GRIN2A: variants seen among roughly 807,000 people sequenced by gnomAD.
GRIN2A encodes glutamate receptor ionotropic, NMDA 2A.
Under a neutral mutation model 113.4 loss-of-function variants are expected in GRIN2A, and 22 were observed. The observed-to-expected ratio is 0.19, with a 90% confidence interval of 0.14 to 0.28. GRIN2A has a LOEUF of 0.28. GRIN2A is among the 10% of genes least tolerant of loss of function. GRIN2A has a pLI of 1.00. For synonymous variants in GRIN2A, 827 were observed against 738.4 expected, an observed-to-expected ratio of 1.12 and a Z score of -1.94; for missense variants, 1,502 against 1,887.0, an observed-to-expected ratio of 0.80 and a Z score of 3.78.
At chr16:10,103,157 C>CT (rs148968863) in intron 2 of GRIN2A, among the ~76,000 whole-genome samples, 1 of 151,706 alleles carries the variant, frequency 6.6e-6, no homozygotes, top group East Asian at 1.9e-4. Flanking sequence ...GCAACAGCAA[C>CT]TTTTTTTTTA....
chr16:10,078,414 AC>A (rs1202485557), intron 2 of GRIN2A, among the ~76,000 whole-genome samples: 2 of 151,956 alleles, frequency 1.3e-5, no homozygotes, highest in Non-Finnish European at 2.9e-5. Context: ...ATGTTCTAGA[AC>A]ACAGAAAGTC....
chr16:9,956,486 G>C (rs1217926327), intron 2 of GRIN2A, among the ~76,000 whole-genome samples: 2 of 152,132 alleles, frequency 1.3e-5, no homozygotes, highest in South Asian at 4.1e-4. Context: ...TGCACAGTGA[G>C]CCAGATGTCA....
At chr16:9,791,905 T>C (rs536024008) in intron 11 of GRIN2A, among the ~76,000 whole-genome samples, 2 of 152,214 alleles carry the variant, frequency 1.3e-5, no homozygotes, top group South Asian at 4.1e-4. Flanking sequence ...TGAGCATCAT[T>C]ATGCTGAATG....
At chr16:9,774,318 C>T (rs993452239) in intron 11 of GRIN2A, among the ~76,000 whole-genome samples, 5 of 152,194 alleles carry the variant, frequency 3.3e-5, no homozygotes, top group African/African-American at 9.7e-5. Context: ...AGGAAGCACC[C>T]TTCCCTTAAG....
At chr16:9,881,180 T>G (rs1274205288) in intron 4 of GRIN2A, among the ~76,000 whole-genome samples, 1 of 152,226 alleles carries the variant, frequency 6.6e-6, no homozygotes, top group Non-Finnish European at 1.5e-5. Flanking sequence ...CTGAACTACA[T>G]CTATAAACAG....
At chr16:10,124,417 A>G (rs2048889176) in intron 2 of GRIN2A, among the ~76,000 whole-genome samples, 2 of 152,136 alleles carry the variant, frequency 1.3e-5, no homozygotes, top group African/African-American at 4.8e-5. Context: ...TCAAAATCCT[A>G]TCCTCCCAAG....
rs114173234 is a variant in GRIN2A, at chr16:10,077,275, T to C, written c.414+102723A>G. On this transcript the variant is annotated intron_variant, in intron 2 of 12. Transcript: ENST00000330684. The stretch of plus-strand genomic sequence containing the variant: ...TGTGCTTTAAGCCACTGTGTGTAAT[T>C]TGTTATAGCAGCAAAGGGAAAAAAT... Among the ~76,000 whole-genome samples the C allele has an allele frequency of 1.0e-2, 1,521 of 152,332 alleles. 34 individuals carry two copies. Among genetic ancestry groups the C allele is most frequent in the African/African-American group, 0.035 (1,445 of 41,562 alleles).
At chr16:9,966,086 C>G (rs998813552) in intron 2 of GRIN2A, among the ~76,000 whole-genome samples, 2 of 152,182 alleles carry the variant, frequency 1.3e-5, no homozygotes, top group African/African-American at 4.8e-5. Flanking sequence ...GAGAATTGAT[C>G]TGATTTGACA....
chr16:9,904,013 G>A (rs1351935580), intron 3 of GRIN2A, among the ~76,000 whole-genome samples: 1 of 152,224 alleles, frequency 6.6e-6, no homozygotes, highest in African/African-American at 2.4e-5. Flanking sequence ...GAGTTGCAGA[G>A]AGAGTGGATT....
chr16:9,958,333 C>A (rs1345939198), intron 2 of GRIN2A, among the ~76,000 whole-genome samples: 1 of 152,064 alleles, frequency 6.6e-6, no homozygotes. Flanking sequence ...CTGATGTGGG[C>A]AATGTTGGTC....
intron 3 of GRIN2A, among the ~76,000 whole-genome samples, chr16:9,903,003 C>T (rs35971415): frequency 0.28 from 34,718 of 125,974 alleles, 6,246 homozygotes; most frequent in African/African-American, 0.48. Context: ...GAGTCTCACT[C>T]TGTTGCCCAG....
At chr16:10,075,493 C>G (rs891473435) in intron 2 of GRIN2A, among the ~76,000 whole-genome samples, 1 of 151,942 alleles carries the variant, frequency 6.6e-6, no homozygotes, top group Non-Finnish European at 1.5e-5. Flanking sequence ...CGATTTGGAA[C>G]GATGGAAAAG....
intron 2 of GRIN2A, among the ~76,000 whole-genome samples, chr16:10,126,868 T>C (rs1024409162): frequency 6.6e-6 from 1 of 152,200 alleles, no homozygotes; most frequent in Non-Finnish European, 1.5e-5. Flanking sequence ...ACCTTGTCTT[T>C]TGGCCTACAG....
intron 4 of GRIN2A, among the ~76,000 whole-genome samples, chr16:9,866,943 C>G (rs138988606): frequency 4.6e-5 from 7 of 152,294 alleles, no homozygotes; most frequent in African/African-American, 1.7e-4. Flanking sequence ...TTCAGAAAAT[C>G]CACAGCTCTC....
Position 10,145,430 on chromosome 16 carries a change from A to C in GRIN2A, c.414+34568T>G, listed in dbSNP as rs922329637. On this transcript the variant is annotated intron_variant, in intron 2 of 12. Coordinates refer to ENST00000330684, the MANE Select transcript of GRIN2A (RefSeq NM_001134407.3). The stretch of plus-strand genomic sequence containing the variant: ...ATTGTGGCCATGGTTTCACAGGCAC[A>C]TGCATACATCCAAACTCATCAAATT... 2.0e-5 allele frequency among the ~76,000 whole-genome samples: 3 copies of C among 152,286 alleles called. No individual in the cohort carries two copies. In the East Asian group the frequency reaches 5.8e-4, roughly 29 times the overall value.
chr16:9,756,865 C>A lies in GRIN2A; in HGVS notation c.*6284G>T, dbSNP rs564326285. The A allele has an allele frequency of 1.1e-5, 2 of 184,442 alleles. No homozygotes were observed. Among genetic ancestry groups the A allele is most frequent in the Admixed American group, 6.2e-5 (1 of 16,050 alleles). 11.4% of individuals were successfully genotyped at this position (184,442 alleles called of 1,614,324 possible). A position where few individuals can be genotyped will look rare whatever the true frequency, so the allele number is the denominator to read the frequency against. On this transcript the variant is annotated 3_prime_UTR_variant, in exon 13 of 13. Coordinates refer to ENST00000330684, the MANE Select transcript of GRIN2A (RefSeq NM_001134407.3). Reference sequence around the variant, plus strand: ...TCGCCATCCTTCCTGAAATACACCTCTATTCCTTTTGCCATCTCTTTGCCC... The same window carrying A: ...TCGCCATCCTTCCTGAAATACACCTATATTCCTTTTGCCATCTCTTTGCCC...
At chr16:10,086,399 C>T (rs2048085841) in intron 2 of GRIN2A, among the ~76,000 whole-genome samples, 1 of 152,068 alleles carries the variant, frequency 6.6e-6, no homozygotes, top group Admixed American at 6.5e-5. Context: ...CTCACTTCCC[C>T]TGAGGAGAGA....
At chr16:9,877,677 C>A (rs761439937) in intron 4 of GRIN2A, among the ~76,000 whole-genome samples, 17 of 120,466 alleles carry the variant, frequency 1.4e-4, no homozygotes, top group Non-Finnish European at 2.7e-4. Context: ...CCCCTTCTTC[C>A]CCTCTCTCTT....
At chr16:9,961,603 T>C (rs915797768) in intron 2 of GRIN2A, among the ~76,000 whole-genome samples, 3 of 152,176 alleles carry the variant, frequency 2.0e-5, no homozygotes, top group Non-Finnish European at 2.9e-5. Context: ...ACTAGAAATG[T>C]TCTATATCTT....
Sources: allele counts gnomAD v4.1 joint callset (sites outside exome capture counted in the v4.1 genomes callset), GRCh38; gene constraint gnomAD v4.1.1; transcripts MANE v1.5; gene names NCBI Gene and HGNC (gene_info 2026-07-23, HGNC 2026-07-21).